Variants in INSYN2B observed in about 807,000 individuals in gnomAD.
INSYN2B encodes the protein protein INSYN2B.
In INSYN2B, 16 loss-of-function variants were observed where a neutral mutation model predicts 41.2. The ratio of observed to expected loss-of-function variants is 0.39; its 90% CI spans 0.26 to 0.59. INSYN2B has a LOEUF of 0.59. Among genes scored for constraint, INSYN2B ranks in the 20% least tolerant of loss-of-function variants. INSYN2B has a pLI of 0.57. For synonymous variants in INSYN2B, 245 were observed against 244.4 expected (o/e 1.00, Z -0.02); for missense variants, 608 against 646.4 (o/e 0.94, Z 0.64).
intron 1 of INSYN2B, among the ~76,000 whole-genome samples, chr5:169,885,506 T>A (rs1772921359): frequency 6.6e-6 from 1 of 152,206 alleles, no homozygotes; most frequent in Non-Finnish European, 1.5e-5. Context: ...AAGGACAAAA[T>A]TCTCCCCTGA....
At position 169,883,811 on chromosome 5, in the gene INSYN2B, G is replaced by A. The variant is rs780471133; in HGVS notation, c.88C>T (p.Arg30Cys). Residue 30 changes from arginine (R) to cysteine (C), a missense_variant, in exon 2 of 4, where the codon CGC becomes TGC. Arg to Cys is a radical substitution (Grantham distance 180, BLOSUM62 -3). Transcript: ENST00000377365. ...SVEFVKQPHH[R>C]RSKSQQVRFK... The stretch of plus-strand genomic sequence containing the variant: ...CTCACCTGCTGGGATTTGCTCCTGC[G>A]GTGGTGAGGTTGTTTCACAAACTCC... The A allele has an allele frequency of 3.9e-6, 6 of 1,550,540 alleles. No individual in the cohort carries two copies. The highest frequency in any genetic ancestry group is 2.7e-5 in the African/African-American group (2 of 72,916).
At chr5:169,959,357 A>C (rs2113741373) in intron 1 of INSYN2B, among the ~76,000 whole-genome samples, 1 of 151,746 alleles carries the variant, frequency 6.6e-6, no homozygotes, top group East Asian at 1.9e-4. Flanking sequence ...TGACAGAGAG[A>C]GACTCCGTCT....
chr5:169,963,875 T>C (rs1335321153), intron 1 of INSYN2B, among the ~76,000 whole-genome samples: 1 of 152,132 alleles, frequency 6.6e-6, no homozygotes, highest in African/African-American at 2.4e-5. Context: ...CTAGATGCTC[T>C]AATTCAGTGG....
intron 1 of INSYN2B, among the ~76,000 whole-genome samples, chr5:169,973,370 G>A (rs1218201243): frequency 1.3e-5 from 2 of 152,174 alleles, no homozygotes; most frequent in Non-Finnish European, 1.5e-5. Flanking sequence ...TGTTCCTGGT[G>A]AATCAGGAAT....
rs371270023 is a variant in INSYN2B at position 169,883,372 on chromosome 5, T to C, written c.527A>G (p.Lys176Arg). 53 of 1,551,566 alleles carry C rather than the reference T, an allele frequency of 3.4e-5. No homozygotes were observed. The highest frequency in any genetic ancestry group is 4.5e-5 in the Non-Finnish European group (52 of 1,146,976). ...GCTAACAGGACCATTGCTTTGCACCTTGGGGACCCTTGGGAGGAATGCATG... is the reference window on the plus strand; with the variant it reads ...GCTAACAGGACCATTGCTTTGCACCCTGGGGACCCTTGGGAGGAATGCATG... ...VSHAFLPRVP[K>R]VQSNGPVSIC... The change falls in exon 2 of 4, where the codon AAG becomes AGG. Residue 176 changes from lysine to arginine, a missense_variant. Transcript: ENST00000377365.
intron 1 of INSYN2B, among the ~76,000 whole-genome samples, chr5:169,905,394 C>T (rs749897561): frequency 2.6e-5 from 4 of 151,554 alleles, no homozygotes; most frequent in Non-Finnish European, 5.9e-5. Flanking sequence ...TGGGGGCAAA[C>T]CAAACACATC....
chr5:169,967,885 G>A (rs931361655), intron 1 of INSYN2B, among the ~76,000 whole-genome samples: 1 of 152,158 alleles, frequency 6.6e-6, no homozygotes, highest in Non-Finnish European at 1.5e-5. Flanking sequence ...GGAGGAGCGA[G>A]AGAAAGGGTG....
chr5:169,960,348 G>A (rs1418459340), intron 1 of INSYN2B, among the ~76,000 whole-genome samples: 1 of 152,160 alleles, frequency 6.6e-6, no homozygotes, highest in Admixed American at 6.5e-5. Flanking sequence ...CATTTATGGT[G>A]CCTGAAAGGT....
intron 1 of INSYN2B, among the ~76,000 whole-genome samples, chr5:169,976,306 G>A (rs1199227513): frequency 6.6e-6 from 1 of 152,214 alleles, no homozygotes; most frequent in East Asian, 1.9e-4. Flanking sequence ...TAGGTCCTAT[G>A]TCACCATATA....
intron 1 of INSYN2B, among the ~76,000 whole-genome samples, chr5:169,917,752 CAGAA>C (rs967935833): frequency 5.3e-5 from 8 of 152,154 alleles, no homozygotes; most frequent in African/African-American, 1.2e-4. Flanking sequence ...ATGTCACACT[CAGAA>C]AGGGATTTTT....
intron 1 of INSYN2B, among the ~76,000 whole-genome samples, chr5:169,950,400 A>C (rs146271491): frequency 4.8e-4 from 73 of 152,380 alleles, no homozygotes; most frequent in African/African-American, 1.7e-3. Context: ...TTATCTCAGC[A>C]TAACAGTCTT....
intron 1 of INSYN2B, among the ~76,000 whole-genome samples, chr5:169,969,105 A>G (rs1777405968): frequency 6.6e-6 from 1 of 152,148 alleles, no homozygotes; most frequent in South Asian, 2.1e-4. Context: ...AGCCATGATC[A>G]TGCCACTGCA....
intron 1 of INSYN2B, among the ~76,000 whole-genome samples, chr5:169,906,495 T>C (rs576878787): frequency 2.6e-5 from 4 of 152,314 alleles, no homozygotes; most frequent in African/African-American, 7.2e-5. Context: ...CGTTATGTTA[T>C]GTTATTTCAT....
At chr5:169,968,806 G>A (rs1401195841) in intron 1 of INSYN2B, among the ~76,000 whole-genome samples, 1 of 152,208 alleles carries the variant, frequency 6.6e-6, no homozygotes, top group Non-Finnish European at 1.5e-5. Flanking sequence ...AGAACACAAA[G>A]ATGGACTGCC....
intron 1 of INSYN2B, among the ~76,000 whole-genome samples, chr5:169,952,891 G>A (rs1347843980): frequency 2.6e-5 from 4 of 152,190 alleles, no homozygotes; most frequent in African/African-American, 9.7e-5. Flanking sequence ...GCAGAAGTCT[G>A]GGACAGTGGA....
At chr5:169,875,334 G>C (rs751826555) in intron 3 of INSYN2B, 13 of 456,654 alleles carry the variant, frequency 2.8e-5, no homozygotes, top group South Asian at 2.0e-4. Context: ...AGGAGGTTCC[G>C]ATGCAGATGG....
chr5:169,880,197 C>T (rs1041337755), intron 3 of INSYN2B, among the ~76,000 whole-genome samples: 4 of 152,220 alleles, frequency 2.6e-5, no homozygotes, highest in African/African-American at 7.2e-5. Context: ...AGGCATTTAT[C>T]TGTGAGCAGT....
Position 169,882,559 on chromosome 5 carries a change from G to C in INSYN2B, c.1340C>G (p.Thr447Ser). Residue 447 changes from threonine (T) to serine (S), a missense_variant, in exon 2 of 4, where the codon ACT (threonine) becomes AGT (serine). Thr to Ser is a moderately conservative substitution (Grantham distance 58). Coordinates refer to ENST00000377365, the MANE Select transcript of INSYN2B (RefSeq NM_001129891.3). ...GAAAAAAAAATCTCCTTACCCTTCA[G>C]TGAGAGCTCGAGCTTTCTCCAAGTC... ...IQDLEKARAL[T>S]EGRNFYRTGQ... The C allele has an allele frequency of 6.5e-7, 1 of 1,544,738 alleles. No individual in the cohort carries two copies. Among genetic ancestry groups the C allele is most frequent in the African/African-American group, 1.4e-5 (1 of 72,940 alleles).
At chr5:169,952,908 G>A (rs973154323) in intron 1 of INSYN2B, among the ~76,000 whole-genome samples, 1 of 152,200 alleles carries the variant, frequency 6.6e-6, no homozygotes, top group African/African-American at 2.4e-5. Flanking sequence ...TGGAACATAG[G>A]AAGAGAGCCT....
Sources: gnomAD v4.1 joint callset for allele counts (sites outside exome capture counted in the v4.1 genomes callset) on GRCh38, gnomAD v4.1.1 for gene constraint, MANE v1.5 for transcripts, NCBI Gene and HGNC (gene_info 2026-07-23, HGNC 2026-07-21) for gene names.